The following WDR18 variants were observed in gnomAD, a reference collection of about 807,000 sequenced individuals.
The protein encoded by WDR18 is WD repeat-containing protein 18.
WDR18 carries 33 observed loss-of-function variants against 49.6 expected under a neutral mutation model. The ratio of observed to expected loss-of-function variants is 0.67; its 90% CI spans 0.50 to 0.89. The LOEUF is 0.89. Among genes scored for constraint, WDR18 ranks in the 40% least tolerant of loss-of-function variants. The pLI, the probability that WDR18 is intolerant of heterozygous loss-of-function variation, is 0.00. For synonymous variants in WDR18, 315 were observed against 263.6 expected, an observed-to-expected ratio of 1.19 and a Z score of -1.89; for missense variants, 653 against 593.6, an observed-to-expected ratio of 1.10 and a Z score of -1.04.
In WDR18 at chr19:984,912, C is replaced by T. The variant is rs569762124; in HGVS notation, c.210+349C>T. Among the ~76,000 whole-genome samples, 17 of 152,190 alleles carry T rather than the reference C, an allele frequency of 1.1e-4. No homozygotes were observed. The South Asian group carries it at 3.5e-3, about 32-fold the overall frequency. ...TATGAGCTCTGTGGATGTTGTGGTT[C>T]TGGAGGAAAAGGGAGAAGGACCAAG... On this transcript the variant is annotated intron_variant, in intron 1 of 9. Coordinates refer to ENST00000585809, the MANE Select transcript of WDR18 (RefSeq NM_024100.4).
chr19:993,966 C>A lies in WDR18; in HGVS notation c.1099-54C>A, dbSNP rs1023503197. 2.6e-6 allele frequency: 4 copies of A among 1,538,128 alleles called. No individual in the cohort carries two copies. In the South Asian group the frequency reaches 4.8e-5, roughly 18 times the overall value. On this transcript the variant is annotated intron_variant, in intron 8 of 9. Transcript: ENST00000585809. ...GCTGGCGGGGGTGGGATGGGCAAAG[C>A]GTGTGGTGTGTGACAGGACGCGCCC...
upstream of WDR18, among the ~76,000 whole-genome samples, chr19:983,165 G>A (rs143426865): frequency 4.6e-5 from 7 of 152,294 alleles, no homozygotes; most frequent in African/African-American, 1.7e-4. Flanking sequence ...TTTTTAGGCC[G>A]GACGTTGTGG....
chr19:993,900 G>A, intron 8 of WDR18, 120 bp from the exon 9 acceptor site: 2 of 1,088,346 alleles, frequency 1.8e-6, no homozygotes, highest in South Asian at 2.7e-5. Flanking sequence ...TTCTGTCTGT[G>A]GGCGTCACGG....
chr19:990,389 G>A (rs760717253), intron 4 of WDR18, 25 bp downstream of exon 4: 1 of 1,506,590 alleles, frequency 6.6e-7, no homozygotes, highest in East Asian at 2.5e-5. Context: ...CCCCACCACG[G>A]TCCATGAGCG....
intron 8 of WDR18, among the ~76,000 whole-genome samples, chr19:993,094 C>T (rs370341893): frequency 9.9e-5 from 15 of 152,228 alleles, no homozygotes; most frequent in Admixed American, 3.3e-4. Context: ...TCTGGGCATC[C>T]GCAAGGCCCC....
intron 2 of WDR18, among the ~76,000 whole-genome samples, chr19:987,411 C>A (rs184395951): frequency 2.4e-4 from 37 of 152,238 alleles, no homozygotes; most frequent in African/African-American, 7.5e-4. Flanking sequence ...ACCCTCAGGA[C>A]ACGTGTGTAT....
Position 990,256 on chromosome 19 carries a change from G to T in WDR18, c.489G>T (p.Ala163=). The T allele has an allele frequency of 6.3e-7, 1 of 1,598,886 alleles. No individual in the cohort carries two copies. ...AGGCCGACCCCTCCAGGATTCCGGC[G>T]CCCAGGCACGTCTGGTCTCACCACG... ...VLQADPSRIP[A]PRHVWSHHAL... The change falls in exon 4 of 10, where the codon GCG becomes GCT. Residue 163 remains alanine (A), a synonymous_variant. Transcript: ENST00000585809.
chr19:994,170 A>G, intron 9 of WDR18, 43 bp from the exon 10 acceptor site: 2 of 1,563,128 alleles, frequency 1.3e-6, no homozygotes, highest in Non-Finnish European at 1.7e-6. Flanking sequence ...CCTCCAGCAC[A>G]CCCCAGGCCA....
At chr19:989,551 G>A (rs1156784908) in intron 2 of WDR18, among the ~76,000 whole-genome samples, 2 of 152,178 alleles carry the variant, frequency 1.3e-5, no homozygotes, top group Non-Finnish European at 2.9e-5. Context: ...GCGGGAACAG[G>A]TGCCCACCCA....
At position 994,055 on chromosome 19, in the gene WDR18, G is replaced by A; in HGVS notation, c.1134G>A (p.Gln378=). The change falls in exon 9 of 10, where the codon CAG becomes CAA. Residue 378 remains glutamine (Q), a synonymous_variant. Coordinates refer to ENST00000585809, the MANE Select transcript of WDR18 (RefSeq NM_024100.4). ...SEPSYLDRTE[Q]LQAVLCSTME... Reference sequence around the variant, plus strand: ...CCAGCTACCTGGACCGCACGGAGCAGCTGCAGGCCGTCCTGTGCAGCACCA... The same window carrying A: ...CCAGCTACCTGGACCGCACGGAGCAACTGCAGGCCGTCCTGTGCAGCACCA... The A allele has an allele frequency of 6.4e-7, 1 of 1,560,966 alleles. No homozygotes were observed. Among genetic ancestry groups the A allele is most frequent in the Non-Finnish European group, 8.7e-7 (1 of 1,153,888 alleles).
At chr19:993,989 C>T in intron 8 of WDR18, 31 bp from the exon 9 acceptor site, 1 of 1,548,064 alleles carries the variant, frequency 6.5e-7, no homozygotes, top group Non-Finnish European at 8.7e-7. Flanking sequence ...ACAGGACGCG[C>T]CCCGAGGTCA....
chr19:984,262 TGGGGCCGC>T (rs952748535), upstream of WDR18: 5 of 1,301,498 alleles, frequency 3.8e-6, no homozygotes, highest in South Asian at 5.3e-5. Flanking sequence ...GGCCACCCGC[TGGGGCCGC>T]GGGGCCGCCG....
intron 2 of WDR18, among the ~76,000 whole-genome samples, chr19:988,931 C>T (rs965478758): frequency 1.3e-5 from 2 of 151,956 alleles, no homozygotes; most frequent in African/African-American, 4.8e-5. Flanking sequence ...ATTCACAGGT[C>T]CCAGGTCGGG....
intron 2 of WDR18, among the ~76,000 whole-genome samples, chr19:987,905 G>C (rs2038493715): frequency 6.9e-6 from 1 of 144,762 alleles, no homozygotes; most frequent in African/African-American, 2.6e-5. Flanking sequence ...CTCAATCTCA[G>C]ATCACTGCAA....
rs920100566 is a variant in WDR18, at chr19:984,666, G to A, written c.210+103G>A. ...GTGCACCCTTAGTCGGAATTGGCGT[G>A]GGGAGGGGAGGTGGTCTCCGTTCGG... On this transcript the variant is annotated intron_variant, in intron 1 of 9. Transcript: ENST00000585809. The A allele has an allele frequency of 1.2e-5, 14 of 1,198,660 alleles. No individual in the cohort carries two copies. In the Admixed American group the frequency reaches 3.9e-4, roughly 33 times the overall value. The allele number at this position is 1,198,660 out of a possible 1,614,324, so 74.3% of individuals were successfully genotyped here.
intron 3 of WDR18, 100 bp downstream of exon 3, chr19:989,995 G>A: frequency 1.3e-6 from 2 of 1,498,542 alleles, no homozygotes; most frequent in Non-Finnish European, 1.8e-6. Context: ...CTTCTCTCTT[G>A]GGGGCTGGAG....
chr19:988,938 C>T lies in WDR18; in HGVS notation c.322-824C>T, dbSNP rs567937175. Among the ~76,000 whole-genome samples, 14 of 151,974 alleles carry T rather than the reference C, an allele frequency of 9.2e-5. No homozygotes were observed. The East Asian group carries it at 1.7e-3, about 19-fold the overall frequency. On this transcript the variant is annotated intron_variant, in intron 2 of 9. Transcript: ENST00000585809. ...ATGAGGCCATTCACAGGTCCCAGGT[C>T]GGGACTTTTAACATGCTTTTGGGGG...
intron 2 of WDR18, among the ~76,000 whole-genome samples, 181 bp downstream of exon 2, chr19:986,156 T>G (rs1042303967): frequency 6.6e-6 from 1 of 152,136 alleles, no homozygotes; most frequent in African/African-American, 2.4e-5. Context: ...GACTTGCGAA[T>G]CCCAGACCAG....
At chr19:992,209 G>T in intron 8 of WDR18, 88 bp downstream of exon 8, 3 of 1,366,060 alleles carry the variant, frequency 2.2e-6, no homozygotes, top group Non-Finnish European at 2.8e-6. Context: ...TGGTCCTGGC[G>T]CCCGTGCGGC....
Sources: gnomAD v4.1 joint callset for allele counts (sites outside exome capture counted in the v4.1 genomes callset) on GRCh38, gnomAD v4.1.1 for gene constraint, MANE v1.5 for transcripts, NCBI Gene and HGNC (gene_info 2026-07-23, HGNC 2026-07-21) for gene names.